Variants in TAOK3 observed in about 807,000 individuals in gnomAD.
The protein encoded by TAOK3 is serine/threonine-protein kinase TAO3.
A neutral mutation model predicts 120.4 loss-of-function variants in TAOK3; 40 were observed. The observed-to-expected ratio is 0.33, with a 90% CI of 0.26 to 0.43. TAOK3 has a LOEUF of 0.43. TAOK3 is among the 20% of genes least tolerant of loss of function. TAOK3 has a pLI of 1.00. For synonymous variants in TAOK3, 355 were observed against 387.5 expected (o/e 0.92, Z 0.99); for missense variants, 821 against 1,112.1 (o/e 0.74, Z 3.72).
chr12:118,158,931 A>G (rs2035025169), intron 19 of TAOK3, among the ~76,000 whole-genome samples: 1 of 152,196 alleles, frequency 6.6e-6, no homozygotes, highest in South Asian at 2.1e-4. Context: ...GTCTTTGCAT[A>G]TACTGTATCC....
At chr12:118,222,306 C>T (rs1036481890) in intron 9 of TAOK3, among the ~76,000 whole-genome samples, 2 of 151,940 alleles carry the variant, frequency 1.3e-5, no homozygotes, top group African/African-American at 2.4e-5. Flanking sequence ...AGGCCAAGGT[C>T]GGAGGATCAC....
At chr12:118,214,510 T>C (rs2038785300) in intron 9 of TAOK3, among the ~76,000 whole-genome samples, 1 of 151,734 alleles carries the variant, frequency 6.6e-6, no homozygotes, top group African/African-American at 2.4e-5. Flanking sequence ...AAAAAATTCA[T>C]ATTCACTTAA....
chr12:118,188,972 G>A (rs1187678706), intron 14 of TAOK3, among the ~76,000 whole-genome samples: 5 of 152,200 alleles, frequency 3.3e-5, no homozygotes, highest in African/African-American at 1.2e-4. Context: ...GCACGCGTGG[G>A]GGCCGAGGGG....
At chr12:118,171,134 A>T (rs1238022540) in intron 17 of TAOK3, among the ~76,000 whole-genome samples, 2 of 152,202 alleles carry the variant, frequency 1.3e-5, no homozygotes, top group Non-Finnish European at 2.9e-5. Context: ...CCCAAATTAG[A>T]AACTTGGAAG....
At chr12:118,198,864 A>G (rs2037878411) in intron 13 of TAOK3, 187 bp downstream of exon 13, 1 of 601,912 alleles carries the variant, frequency 1.7e-6, no homozygotes, top group East Asian at 2.8e-5. Context: ...AGATGAAGAA[A>G]TAGGCACAGA....
intron 14 of TAOK3, among the ~76,000 whole-genome samples, chr12:118,182,136 G>C (rs1007621900): frequency 1.6e-4 from 25 of 152,050 alleles, no homozygotes; most frequent in African/African-American, 6.0e-4. Context: ...AGTGAGCTAA[G>C]ATCACTCCAC....
rs772225317 is a variant in TAOK3 at position 118,199,129 on chromosome 12, G to A, written c.1116C>T (p.Asp372=). 137 of 1,614,010 alleles carry A rather than the reference G, an allele frequency of 8.5e-5. 1 individual carries two copies. The highest frequency in any genetic ancestry group is 1.6e-4 in the Middle Eastern group (1 of 6,084). ...TCATGACAAGTTCGGAACTGCTCTC[G>A]TCCATGACTTCCTGCATGCTGTTCA... ...SSVNSMQEVM[D]ESSSELVMMH... is the part of the protein sequence containing the mutation. Residue 372 remains aspartate (D), a synonymous_variant, in exon 13 of 21, where the codon GAC becomes GAT. Coordinates refer to ENST00000392533, the MANE Select transcript of TAOK3 (RefSeq NM_016281.4).
Position 118,193,471 on chromosome 12 carries a change from C to G in TAOK3, c.1195-3530G>C, listed in dbSNP as rs140852374. Among the ~76,000 whole-genome samples, 1,193 of 152,326 alleles carry G rather than the reference C, an allele frequency of 7.8e-3. 16 individuals are homozygous for G. The highest frequency in any genetic ancestry group is 9.8e-3 in the Non-Finnish European group (670 of 68,036). On this transcript the variant is annotated intron_variant, in intron 13 of 20. Coordinates refer to ENST00000392533, the MANE Select transcript of TAOK3 (RefSeq NM_016281.4). Reference sequence around the variant, plus strand: ...CTATACAAGAGTGAAACATGTGAAGCATGAGGCACACAAACTTTACTATTA... The same window carrying G: ...CTATACAAGAGTGAAACATGTGAAGGATGAGGCACACAAACTTTACTATTA...
chr12:118,187,624 A>C (rs932051954), intron 14 of TAOK3, among the ~76,000 whole-genome samples: 2 of 152,116 alleles, frequency 1.3e-5, no homozygotes, highest in African/African-American at 4.8e-5. Context: ...AAAAGCCACT[A>C]GATACAAATA....
At chr12:118,274,149 A>AATTGCTGTAATTACAACAAAATTG (rs2041825386) in intron 1 of TAOK3, among the ~76,000 whole-genome samples, 1 of 152,180 alleles carries the variant, frequency 6.6e-6, no homozygotes. Flanking sequence ...CAAAAAAAAA[A>AATTGCTGTAATTACAACAAAATTG]CTAGCAAATT....
rs879536590 is a variant in TAOK3 at position 118,254,452 on chromosome 12, AAAAG to A, written c.120+992_120+995del. ...CCTCATGACACTTGTTATTTAGGGA[AAAAG>A]ACATATATAAAGCAAAAAATCGTAT... is the stretch of plus-strand genomic sequence containing the variant. On this transcript the variant is annotated intron_variant, in intron 3 of 20. Coordinates refer to ENST00000392533, the MANE Select transcript of TAOK3 (RefSeq NM_016281.4). Among the ~76,000 whole-genome samples, 1,050 of 152,338 alleles carry A rather than the reference AAAAG, an allele frequency of 6.9e-3. 5 individuals are homozygous for A. Among genetic ancestry groups the A allele is most frequent in the Non-Finnish European group, 1.0e-2 (680 of 68,038 alleles).
chr12:118,195,165 C>A (rs1272269242), intron 13 of TAOK3, among the ~76,000 whole-genome samples: 1 of 151,556 alleles, frequency 6.6e-6, no homozygotes, highest in East Asian at 1.9e-4. Flanking sequence ...AGAAAGGGAC[C>A]CTTATGACTG....
chr12:118,204,985 C>A lies in TAOK3; in HGVS notation c.820-3522G>T, dbSNP rs533644224. Among the ~76,000 whole-genome samples, 542 of 152,038 alleles carry A rather than the reference C, an allele frequency of 3.6e-3. 5 individuals are homozygous for A. Among genetic ancestry groups the A allele is most frequent in the African/African-American group, 0.012 (517 of 41,448 alleles). On this transcript the variant is annotated intron_variant, in intron 11 of 20. Transcript: ENST00000392533. ...GAGTATCAAAGACCAGCTTGGCCAACATGATGAAACTCCGTCTCTACTAAA... is the reference window on the plus strand; with the variant it reads ...GAGTATCAAAGACCAGCTTGGCCAAAATGATGAAACTCCGTCTCTACTAAA...
chr12:118,243,985 T>C (rs1566003151), intron 4 of TAOK3, among the ~76,000 whole-genome samples: 1 of 151,930 alleles, frequency 6.6e-6, no homozygotes, highest in Non-Finnish European at 1.5e-5. Context: ...GGCCTAAACA[T>C]GCCATTTCTT....
Position 118,177,304 on chromosome 12 carries a change from T to G in TAOK3, c.1592A>C (p.Lys531Thr). 2 of 1,613,820 alleles carry G rather than the reference T, an allele frequency of 1.2e-6. No individual in the cohort carries two copies. Among genetic ancestry groups the G allele is most frequent in the South Asian group, 2.2e-5 (2 of 91,080 alleles). ...KEAKVAAADEKKFQQQILAQQ... is the reference protein window; with the variant it reads ...KEAKVAAADETKFQQQILAQQ... ...GGCCAAGATCTGTTGCTGGAACTTC[T>G]TCTCATCTGCTGCAGCTACCTTTGC... The change falls in exon 16 of 21, where the codon AAG becomes ACG. Residue 531 changes from lysine (K) to threonine (T), a missense_variant. Transcript: ENST00000392533.
At chr12:118,311,878 A>G (rs751054047) in intron 1 of TAOK3, among the ~76,000 whole-genome samples, 1 of 152,198 alleles carries the variant, frequency 6.6e-6, no homozygotes, top group Non-Finnish European at 1.5e-5. Context: ...GTGAGCCAAA[A>G]CAGGGAATAA....
intron 1 of TAOK3, among the ~76,000 whole-genome samples, chr12:118,281,425 A>G (rs185551852): frequency 6.6e-6 from 1 of 152,324 alleles, no homozygotes; most frequent in East Asian, 1.9e-4. Flanking sequence ...ATAATGTTTT[A>G]CATGAAAAAA....
rs953328389 is a variant in TAOK3, at chr12:118,161,157, G to T, written c.2139+631C>A. Among the ~76,000 whole-genome samples, 3 of 152,212 alleles carry T rather than the reference G, an allele frequency of 2.0e-5. No homozygotes were observed. Among genetic ancestry groups the T allele is most frequent in the Non-Finnish European group, 4.4e-5 (3 of 68,038 alleles). On this transcript the variant is annotated intron_variant, in intron 18 of 20. Transcript: ENST00000392533. This position sits in a 1 kb window ranked among gnomAD's most constrained non-coding sequence, Gnocchi z 4.5. ...GAGACGCATAGCCAGTGTGATCCAG[G>T]TTGGCCTCATATCTGTGGCAACACT...
At chr12:118,343,295 C>T (rs2044705654) in intron 1 of TAOK3, among the ~76,000 whole-genome samples, 1 of 151,622 alleles carries the variant, frequency 6.6e-6, no homozygotes, top group South Asian at 2.1e-4. Flanking sequence ...GGCATGATGG[C>T]GGGTGCCTGT....
Sources: gnomAD v4.1 joint callset for allele counts (sites outside exome capture counted in the v4.1 genomes callset) on GRCh38, gnomAD v4.1.1 for gene constraint, Gnocchi (gnomAD v3.1) non-coding constraint, MANE v1.5 for transcripts, NCBI Gene and HGNC (gene_info 2026-07-23, HGNC 2026-07-21) for gene names.